The following NPC1 variants were observed in gnomAD, a reference collection of about 807,000 sequenced individuals.
NPC1 encodes Niemann-Pick C1 protein.
A neutral mutation model predicts 140.4 loss-of-function variants in NPC1; 85 were observed. That is an observed-to-expected ratio of 0.61 (90% CI 0.51 to 0.72). The LOEUF is 0.72. NPC1 is among the 30% of genes least tolerant of loss of function. The probability of loss-of-function intolerance (pLI) is 0.00; values close to 1 mark genes in which losing one functional copy is unlikely to be tolerated. For synonymous variants in NPC1, 656 were observed against 624.8 expected, an observed-to-expected ratio of 1.05 and a Z score of -0.74; for missense variants, 1,504 against 1,623.8, an observed-to-expected ratio of 0.93 and a Z score of 1.27.
intron 1 of NPC1, among the ~76,000 whole-genome samples, chr18:23,578,358 T>C (rs960008810): frequency 2.0e-5 from 3 of 152,174 alleles, no homozygotes; most frequent in Non-Finnish European, 4.4e-5. Flanking sequence ...AAACAGACTC[T>C]CAATAAAAGA....
chr18:23,532,115 C>CAA lies in NPC1; in HGVS notation c.*85_*86dup. On this transcript the variant is annotated 3_prime_UTR_variant, in exon 25 of 25. Coordinates refer to ENST00000269228, the MANE Select transcript of NPC1 (RefSeq NM_000271.5). ...CCGATGGTTGGCACCATCCGGTGTTCAACTTGGCCTTGCCGATGCAGCACC... is the reference window on the plus strand; with the variant it reads ...CCGATGGTTGGCACCATCCGGTGTTCAAAACTTGGCCTTGCCGATGCAGCACC... 6.2e-7 allele frequency: 1 copy of CAA among 1,613,846 alleles called. No homozygotes were observed. Among genetic ancestry groups the CAA allele is most frequent in the South Asian group, 1.1e-5 (1 of 91,010 alleles).
Position 23,541,524 on chromosome 18 carries a change from G to A in NPC1, c.2246-91C>T, listed in dbSNP as rs1008069929. 9.2e-5 allele frequency: 144 copies of A among 1,563,590 alleles called. 1 individual carries two copies. The highest frequency in any genetic ancestry group is 1.2e-4 in the Non-Finnish European group (132 of 1,141,866). On this transcript the variant is annotated intron_variant, in intron 14 of 24. Coordinates refer to ENST00000269228, the MANE Select transcript of NPC1 (RefSeq NM_000271.5). The stretch of plus-strand genomic sequence containing the variant: ...GTTCATGTGCATGTACAGATACAAG[G>A]AGCCAGCACAGGCCAAACGCATGAG...
chr18:23,528,496 C>T (rs533761380), downstream of NPC1: 1 of 153,588 alleles, frequency 6.5e-6, no homozygotes, highest in East Asian at 1.9e-4. Flanking sequence ...TCTGATTAGT[C>T]CTAGGCTGAA....
chr18:23,534,835 C>T (rs2058602592), intron 22 of NPC1, among the ~76,000 whole-genome samples: 1 of 152,206 alleles, frequency 6.6e-6, no homozygotes, highest in African/African-American at 2.4e-5. Flanking sequence ...ACCCCACCCG[C>T]ACCGAGCTGG....
chr18:23,523,866 G>A (rs1247167315), intron 1 of NPC1, among the ~76,000 whole-genome samples: 5 of 152,176 alleles, frequency 3.3e-5, no homozygotes, highest in African/African-American at 1.2e-4. Context: ...GTCATCTTTG[G>A]TTATTAAAAA....
At chr18:23,560,648 T>C (rs888896583) in intron 5 of NPC1, among the ~76,000 whole-genome samples, 168 bp from the exon 6 acceptor site, 1 of 152,232 alleles carries the variant, frequency 6.6e-6, no homozygotes, top group African/African-American at 2.4e-5. Flanking sequence ...CTTCGTCCTA[T>C]GGAATTTTAA....
intron 11 of NPC1, among the ~76,000 whole-genome samples, chr18:23,545,799 G>T (rs1264288629): frequency 6.6e-6 from 1 of 152,134 alleles, no homozygotes; most frequent in Non-Finnish European, 1.5e-5. Context: ...TTGCCATGTT[G>T]TGCAAGCTGG....
chr18:23,519,046 G>A (rs778436252), downstream of NPC1: 12 of 1,613,196 alleles, frequency 7.4e-6, no homozygotes, highest in Non-Finnish European at 1.0e-5. Flanking sequence ...TTGTTGATCT[G>A]TTTTTTGCTT....
chr18:23,544,944 C>CCA lies in NPC1; in HGVS notation c.1947+15_1947+16insTG, dbSNP rs72283949. 1.6e-3 allele frequency: 1,367 copies of CCA among 850,760 alleles called. 56 individuals carry two copies. In the African/African-American group the frequency reaches 0.035, roughly 22 times the overall value. The allele number at this position is 850,760 out of a possible 1,614,324, so 52.7% of individuals were successfully genotyped here. A position where few individuals can be genotyped will look rare whatever the true frequency, so the allele number is the denominator to read the frequency against. On this transcript the variant is annotated intron_variant, in intron 12 of 24. Coordinates refer to ENST00000269228, the MANE Select transcript of NPC1 (RefSeq NM_000271.5). ...CTGTTAACCTCTAGAACATACACCACCCCCCCCCGGCTTACCAGAAGCCTG... is the reference window on the plus strand; with the variant it reads ...CTGTTAACCTCTAGAACATACACCACCACCCCCCCCGGCTTACCAGAAGCCTG...
rs1028772434 is a variant in NPC1, at chr18:23,515,776, G to GC, written c.432-9135dup. 36 of 1,553,122 alleles carry GC rather than the reference G, an allele frequency of 2.3e-5. No individual in the cohort carries two copies. The African/African-American group carries it at 4.8e-4, about 21-fold the overall frequency. ...TCGAACTCCTGACCTCAGGTGATCC[G>GC]CCCACCTTAGCCTCCCAAAGTGCTG... On this transcript the variant is annotated intron_variant, in intron 3 of 3. Coordinates refer to the NPC1 transcript ENST00000591107.
At chr18:23,524,285 C>A in intron 1 of NPC1, 1 of 1,495,378 alleles carries the variant, frequency 6.7e-7, no homozygotes, top group East Asian at 2.3e-5. Flanking sequence ...CGAGAGCCAC[C>A]CCGCAGGCAG....
At chr18:23,547,950 A>T (rs1688680566) in intron 11 of NPC1, 56 bp downstream of exon 11, 1 of 1,015,432 alleles carries the variant, frequency 9.8e-7, no homozygotes. Context: ...GCTTGCCGCA[A>T]GTGTCTAGCT....
intron 9 of NPC1, among the ~76,000 whole-genome samples, chr18:23,552,313 CAAAGA>C (rs1437737664): frequency 6.6e-6 from 1 of 151,954 alleles, no homozygotes; most frequent in Non-Finnish European, 1.5e-5. Flanking sequence ...AATAATAATT[CAAAGA>C]AAAGATGTCC....
chr18:23,529,201 G>A (rs1462114443), downstream of NPC1: 11 of 1,613,676 alleles, frequency 6.8e-6, no homozygotes, highest in Admixed American at 1.7e-5. Context: ...GGGCAGAGCC[G>A]AAGCAGCCCG....
rs68163205 is a variant in NPC1, at chr18:23,550,479, C to CTTTTTTTTTTT, written c.1654+1137_1654+1147dup. ...GAATTTTCTTCCAGTTCTTACATTT[C>CTTTTTTTTTTT]TTTTTTTTTTTTTTTTTTTTGAGAT... On this transcript the variant is annotated intron_variant, in intron 10 of 24. Transcript: ENST00000269228. 3.1e-3 allele frequency among the ~76,000 whole-genome samples: 231 copies of CTTTTTTTTTTT among 74,940 alleles called. 58 individuals carry two copies. Among genetic ancestry groups the CTTTTTTTTTTT allele is most frequent in the South Asian group, 7.5e-3 (13 of 1,742 alleles). The allele number at this position is 74,940 out of a possible 152,430, so 49.2% of individuals were successfully genotyped here.
chr18:23,575,113 T>C (rs760546719), intron 1 of NPC1, among the ~76,000 whole-genome samples: 1 of 152,232 alleles, frequency 6.6e-6, no homozygotes, highest in African/African-American at 2.4e-5. Context: ...AGGGGCACTC[T>C]GGCTGGTTAC....
At chr18:23,535,998 A>G (rs983402768) in intron 21 of NPC1, among the ~76,000 whole-genome samples, 3 of 151,576 alleles carry the variant, frequency 2.0e-5, no homozygotes, top group African/African-American at 7.3e-5. Flanking sequence ...AGCATTCTGA[A>G]AAAACACAAA....
At chr18:23,568,224 C>CT (rs1296637790) in intron 4 of NPC1, among the ~76,000 whole-genome samples, 1 of 152,184 alleles carries the variant, frequency 6.6e-6, no homozygotes, top group Non-Finnish European at 1.5e-5. Flanking sequence ...AAAATGACCT[C>CT]TCTCCATTCA....
downstream of NPC1, among the ~76,000 whole-genome samples, chr18:23,524,675 T>A (rs959668256): frequency 2.4e-4 from 37 of 152,102 alleles, no homozygotes; most frequent in African/African-American, 8.9e-4. Flanking sequence ...ATATACTACT[T>A]TTAATAATTA....
Sources: allele counts gnomAD v4.1 joint callset (sites outside exome capture counted in the v4.1 genomes callset), GRCh38; gene constraint gnomAD v4.1.1; transcripts MANE v1.5; gene names NCBI Gene and HGNC (gene_info 2026-07-23, HGNC 2026-07-21).